The following METTL9 variants were observed in gnomAD, a reference collection of about 807,000 sequenced individuals.
The protein encoded by METTL9 is methyltransferase 9, His-X-His N1(pi)-histidine.
METTL9 carries 10 observed loss-of-function variants against 36.0 expected under a neutral mutation model. The ratio of observed to expected loss-of-function variants is 0.28; its 90% CI spans 0.17 to 0.47. METTL9 has a LOEUF of 0.47. Ranked by LOEUF, METTL9 falls within the 20% of genes least tolerant of loss-of-function variation. The pLI is 0.99. For synonymous variants in METTL9, 175 were observed against 149.7 expected, an observed-to-expected ratio of 1.17 and a Z score of -1.23; for missense variants, 246 against 383.5, an observed-to-expected ratio of 0.64 and a Z score of 3.00.
chr16:21,649,212 T>TG (rs1436315803), intron 4 of METTL9, among the ~76,000 whole-genome samples: 10 of 152,112 alleles, frequency 6.6e-5, no homozygotes, highest in African/African-American at 2.2e-4. Context: ...AGGCTGATCT[T>TG]GCACCCCTAA....
At chr16:21,621,695 G>C (rs566774389) in intron 3 of METTL9, among the ~76,000 whole-genome samples, 1 of 152,300 alleles carries the variant, frequency 6.6e-6, no homozygotes, top group African/African-American at 2.4e-5. Flanking sequence ...GTATTCGCAA[G>C]TTGTCATTGT....
intron 1 of METTL9, among the ~76,000 whole-genome samples, chr16:21,600,113 CGCAGCGCAGG>C (rs1289731893): frequency 5.3e-5 from 8 of 152,100 alleles, no homozygotes; most frequent in Non-Finnish European, 1.0e-4. Flanking sequence ...CCTTTTGTTC[CGCAGCGCAGG>C]CGGGGCATGG....
chr16:21,628,081 C>T (rs1437388782), intron 4 of METTL9, among the ~76,000 whole-genome samples: 1 of 152,170 alleles, frequency 6.6e-6, no homozygotes, highest in Non-Finnish European at 1.5e-5. Flanking sequence ...AAAAATTATA[C>T]AGGCAGTTCC....
At chr16:21,626,968 G>A in intron 4 of METTL9, 1 of 985,414 alleles carries the variant, frequency 1.0e-6, no homozygotes, top group South Asian at 4.7e-5. Context: ...AGACAAGAGG[G>A]AAGTCTCCAT....
At chr16:21,610,530 G>A (rs555479950) in intron 1 of METTL9, among the ~76,000 whole-genome samples, 3 of 152,252 alleles carry the variant, frequency 2.0e-5, no homozygotes, top group East Asian at 3.9e-4. Flanking sequence ...CTCTATTTTT[G>A]TTCTGTAGCA....
chr16:21,610,076 C>T (rs1486943763), intron 1 of METTL9, among the ~76,000 whole-genome samples: 6 of 152,144 alleles, frequency 3.9e-5, no homozygotes, highest in Admixed American at 1.3e-4. Flanking sequence ...ATGCAGCCAT[C>T]ACCAGTATTA....
intron 4 of METTL9, chr16:21,641,228 A>T (rs1289358171): frequency 2.0e-5 from 4 of 198,384 alleles, no homozygotes; most frequent in East Asian, 2.3e-4. Flanking sequence ...TTGGCTTCAG[A>T]TCTTCAGGAT....
upstream of METTL9, chr16:21,599,347 C>T (rs1965028133): frequency 4.1e-6 from 4 of 966,146 alleles, no homozygotes; most frequent in Non-Finnish European, 5.0e-6. The surrounding 1 kb of genome is among the most constrained non-coding windows in gnomAD (Gnocchi z 4.4). Flanking sequence ...CCACCTCCGC[C>T]ATTTACTAGA....
At chr16:21,627,045 G>C in intron 4 of METTL9, 1 of 985,406 alleles carries the variant, frequency 1.0e-6, no homozygotes, top group Non-Finnish European at 1.2e-6. Context: ...GAGGAGTCTG[G>C]CATGTGACAC....
At chr16:21,618,466 A>G (rs1965608008) in intron 3 of METTL9, among the ~76,000 whole-genome samples, 1 of 152,194 alleles carries the variant, frequency 6.6e-6, no homozygotes, top group Non-Finnish European at 1.5e-5. Context: ...CATCACCACT[A>G]TTCATCTCCA....
chr16:21,627,126 G>A lies in METTL9; in HGVS notation c.751+2011G>A, dbSNP rs572172901. ...AGTGACCTATAAATTTTGCAGGCGC[G>A]CCACGGCACTCTATTATTGCTTTCT... On this transcript the variant is annotated intron_variant, in intron 4 of 4. Coordinates refer to ENST00000358154, the MANE Select transcript of METTL9 (RefSeq NM_016025.5). The A allele has an allele frequency of 7.2e-5, 71 of 985,264 alleles. 1 individual carries two copies. In the Admixed American group the frequency reaches 8.0e-4, roughly 11 times the overall value. 61.0% of individuals were successfully genotyped at this position (985,264 alleles called of 1,614,324 possible).
Position 21,657,306 on chromosome 16 carries a change from A to T in METTL9, c.*1874A>T, listed in dbSNP as rs1966731919. On this transcript the variant is annotated 3_prime_UTR_variant, in exon 5 of 5. Coordinates refer to ENST00000358154, the MANE Select transcript of METTL9 (RefSeq NM_016025.5). ...AAGTGCTGTTTTGTGGTGAAAATTG[A>T]AACCAAATCCACTCACATTTCCTAT... is the stretch of plus-strand genomic sequence containing the variant. The T allele has an allele frequency of 6.6e-6, 1 of 152,162 alleles. No individual in the cohort carries two copies. Among genetic ancestry groups the T allele is most frequent in the African/African-American group, 2.4e-5 (1 of 41,424 alleles). 9.4% of individuals were successfully genotyped at this position (152,162 alleles called of 1,614,324 possible). A position where few individuals can be genotyped will look rare whatever the true frequency, so the allele number is the denominator to read the frequency against.
chr16:21,652,103 A>G (rs1271453141), intron 4 of METTL9: 1 of 152,720 alleles, frequency 6.5e-6, no homozygotes, highest in Non-Finnish European at 1.5e-5. Flanking sequence ...TAGATATACT[A>G]TGGGATGGCT....
In METTL9 at chr16:21,618,085, C is replaced by A; in HGVS notation, c.566+11C>A. On this transcript the variant is annotated intron_variant, in intron 3 of 4. Transcript: ENST00000358154. ...GAAAAAGAAATACAGGTATAATTTT[C>A]TTGGTTTTAGATGCATTTCTTCTTG... 2 of 1,529,994 alleles carry A rather than the reference C, an allele frequency of 1.3e-6. No individual in the cohort carries two copies. Among genetic ancestry groups the A allele is most frequent in the South Asian group, 1.3e-5 (1 of 77,052 alleles). 94.8% of individuals were successfully genotyped at this position (1,529,994 alleles called of 1,614,324 possible).
chr16:21,649,235 C>T (rs562067525), intron 4 of METTL9, among the ~76,000 whole-genome samples: 3 of 152,282 alleles, frequency 2.0e-5, no homozygotes, highest in African/African-American at 7.2e-5. Flanking sequence ...TCAAGCGACC[C>T]GCTTGCCTCG....
chr16:21,599,479 C>T (rs548510747), upstream of METTL9: 5 of 1,184,228 alleles, frequency 4.2e-6, no homozygotes, highest in Non-Finnish European at 5.2e-6. The surrounding 1 kb of genome is among the most constrained non-coding windows in gnomAD (Gnocchi z 4.4). Flanking sequence ...GCGACGCGGC[C>T]GCTCGTAAGT....
At chr16:21,608,380 C>T (rs1965345111) in intron 1 of METTL9, among the ~76,000 whole-genome samples, 1 of 152,118 alleles carries the variant, frequency 6.6e-6, no homozygotes, top group Admixed American at 6.5e-5. Context: ...TGAAGCTCCT[C>T]GCCAAGATCA....
chr16:21,643,883 A>G (rs569629268), intron 4 of METTL9, among the ~76,000 whole-genome samples: 2 of 152,268 alleles, frequency 1.3e-5, no homozygotes, highest in African/African-American at 4.8e-5. Flanking sequence ...GCCCTTTTTG[A>G]AGATTTTAAG....
chr16:21,607,930 C>A (rs1364572755), intron 1 of METTL9, among the ~76,000 whole-genome samples: 5 of 152,186 alleles, frequency 3.3e-5, no homozygotes, highest in African/African-American at 4.8e-5. Context: ...AGGCAGATCA[C>A]CTGAGGTCAG....
Sources: gnomAD v4.1 joint callset for allele counts (sites outside exome capture counted in the v4.1 genomes callset) on GRCh38, gnomAD v4.1.1 for gene constraint, Gnocchi (gnomAD v3.1) non-coding constraint, MANE v1.5 for transcripts, NCBI Gene and HGNC (gene_info 2026-07-23, HGNC 2026-07-21) for gene names.